The following SLC6A15 variants were observed in gnomAD, a reference collection of about 807,000 sequenced individuals.
SLC6A15 encodes the protein solute carrier family 6 member 15, also known as sodium-dependent neutral amino acid transporter B(0)AT2.
Under a neutral mutation model 68.5 loss-of-function variants are expected in SLC6A15, and 33 were observed. The observed-to-expected ratio is 0.48, with a 90% confidence interval of 0.37 to 0.64. The LOEUF (loss-of-function observed/expected upper bound fraction) is 0.64. SLC6A15 is among the 30% of genes least tolerant of loss of function. The pLI, the probability that SLC6A15 is intolerant of heterozygous loss-of-function variation, is 0.00. For missense variants in SLC6A15, 747 were observed against 874.3 expected, an observed-to-expected ratio of 0.85 and a Z score of 1.84; for synonymous variants, 347 against 301.0, an observed-to-expected ratio of 1.15 and a Z score of -1.58.
rs567856588 is a variant in SLC6A15, at chr12:84,876,120, A to G, written c.867+377T>C. On this transcript the variant is annotated intron_variant, in intron 6 of 11. Coordinates refer to ENST00000266682, the MANE Select transcript of SLC6A15 (RefSeq NM_182767.6). ...TTTTTTGGGAAAAAAAATCCTCGTCACTTTTTCAAAGGGATCCATGACACA... is the reference window on the plus strand; with the variant it reads ...TTTTTTGGGAAAAAAAATCCTCGTCGCTTTTTCAAAGGGATCCATGACACA... Among the ~76,000 whole-genome samples the G allele has an allele frequency of 3.8e-4, 58 of 151,070 alleles. 1 individual carries two copies. The highest frequency in any genetic ancestry group is 1.3e-3 in the African/African-American group (52 of 41,230).
intron 11 of SLC6A15, among the ~76,000 whole-genome samples, chr12:84,862,730 C>T (rs896070185): frequency 6.6e-6 from 1 of 151,950 alleles, no homozygotes. Context: ...TTGTACTTTG[C>T]TAATATATAT....
At chr12:84,875,461 C>T (rs1039593486) in intron 6 of SLC6A15, among the ~76,000 whole-genome samples, 3 of 151,610 alleles carry the variant, frequency 2.0e-5, no homozygotes, top group African/African-American at 7.3e-5. Flanking sequence ...TCAAGGCAGC[C>T]GCCAGGAGTG....
intron 1 of SLC6A15, among the ~76,000 whole-genome samples, chr12:84,908,571 T>G (rs866900797): frequency 7.4e-4 from 109 of 147,184 alleles, no homozygotes; most frequent in African/African-American, 2.5e-3. Context: ...AATACTGTAA[T>G]AAGATATTAA....
At chr12:84,879,520 T>A (rs1871722886) in intron 5 of SLC6A15, among the ~76,000 whole-genome samples, 1 of 151,558 alleles carries the variant, frequency 6.6e-6, no homozygotes. Flanking sequence ...GAGACGGAGT[T>A]TCACCGTTTT....
chr12:84,878,765 C>T (rs1871678393), intron 5 of SLC6A15, among the ~76,000 whole-genome samples: 1 of 151,978 alleles, frequency 6.6e-6, no homozygotes, highest in Non-Finnish European at 1.5e-5. Flanking sequence ...CTTAGTATGT[C>T]CCACTTCCTC....
At chr12:84,899,846 C>CTT (rs1210673352) in intron 1 of SLC6A15, among the ~76,000 whole-genome samples, 2 of 152,054 alleles carry the variant, frequency 1.3e-5, no homozygotes, top group East Asian at 3.8e-4. Flanking sequence ...TTTTGAAGCA[C>CTT]TTAAAAGTAG....
intron 1 of SLC6A15, among the ~76,000 whole-genome samples, chr12:84,899,429 C>T (rs1872759276): frequency 6.6e-6 from 1 of 152,180 alleles, no homozygotes; most frequent in Admixed American, 6.5e-5. Context: ...AAAAAGTAGG[C>T]ATGTCATCCA....
At chr12:84,911,545 C>G (rs1873463584) in intron 1 of SLC6A15, among the ~76,000 whole-genome samples, 1 of 152,190 alleles carries the variant, frequency 6.6e-6, no homozygotes, top group Non-Finnish European at 1.5e-5. Context: ...CTTCCTAAAA[C>G]GCACATCAAA....
chr12:84,909,193 CT>C (rs1873321945), intron 1 of SLC6A15, among the ~76,000 whole-genome samples: 1 of 152,128 alleles, frequency 6.6e-6, no homozygotes, highest in Non-Finnish European at 1.5e-5. Flanking sequence ...AACAAATAAT[CT>C]CTTTGATCTT....
intron 6 of SLC6A15, chr12:84,874,614 G>T (rs1871432937): frequency 6.6e-6 from 1 of 152,084 alleles, no homozygotes; most frequent in African/African-American, 2.4e-5. Flanking sequence ...TATGAAATAT[G>T]CTTATTAAAC....
intron 5 of SLC6A15, chr12:84,882,995 G>C: frequency 1.0e-6 from 1 of 983,268 alleles, no homozygotes; most frequent in Non-Finnish European, 1.2e-6. Flanking sequence ...AGTATATGAT[G>C]ATGAGTGGTA....
At chr12:84,866,237 A>G (rs1461984874) in intron 10 of SLC6A15, among the ~76,000 whole-genome samples, 2 of 152,140 alleles carry the variant, frequency 1.3e-5, no homozygotes, top group South Asian at 2.1e-4. Context: ...GTGATTAGAG[A>G]CAGTGACTAT....
chr12:84,861,531 T>C lies in SLC6A15; in HGVS notation c.*101A>G. The C allele has an allele frequency of 3.0e-6, 4 of 1,341,442 alleles. No individual in the cohort carries two copies. The highest frequency in any genetic ancestry group is 2.3e-5 in the East Asian group (1 of 43,186). The allele number at this position is 1,341,442 out of a possible 1,614,324, so 83.1% of individuals were successfully genotyped here. A position where few individuals can be genotyped will look rare whatever the true frequency, so the allele number is the denominator to read the frequency against. The stretch of plus-strand genomic sequence containing the variant: ...TTAAAGATCACAGCCACGGAACACC[T>C]GAGATTGCCCTCTGATAAGTGAAGC... On this transcript the variant is annotated 3_prime_UTR_variant, in exon 12 of 12. Transcript: ENST00000266682.
chr12:84,874,686 T>C (rs1871435366), intron 6 of SLC6A15, among the ~76,000 whole-genome samples: 1 of 152,180 alleles, frequency 6.6e-6, no homozygotes, highest in Non-Finnish European at 1.5e-5. Flanking sequence ...TTACTGACCA[T>C]TGCTACATCA....
rs189632093 is a variant in SLC6A15, at chr12:84,905,146, T to C, written c.-189+7377A>G. Among the ~76,000 whole-genome samples, 333 of 152,280 alleles carry C rather than the reference T, an allele frequency of 2.2e-3. 1 individual carries two copies. The highest frequency in any genetic ancestry group is 4.0e-3 in the Non-Finnish European group (271 of 67,996). ...ACTACAGATCAATATTCCTAATGAA[T>C]ATAGACACAAAATTCCTTTACACAG... is the stretch of plus-strand genomic sequence containing the variant. On this transcript the variant is annotated intron_variant, in intron 1 of 11. Transcript: ENST00000266682.
At chr12:84,906,568 T>C (rs759583968) in intron 1 of SLC6A15, among the ~76,000 whole-genome samples, 4 of 152,084 alleles carry the variant, frequency 2.6e-5, no homozygotes, top group Non-Finnish European at 4.4e-5. Flanking sequence ...CTATGTGAGG[T>C]TGGTGAAAGG....
chr12:84,875,700 G>T (rs1228903945), intron 6 of SLC6A15, among the ~76,000 whole-genome samples: 4,947 of 8,096 alleles, frequency 0.61, 1,680 homozygotes, highest in East Asian at 0.8. Context: ...ATATATATAT[G>T]AGAATCAAAA....
rs752979851 is a variant in SLC6A15, at chr12:84,885,590, C to A, written c.448-29G>T. 3.2e-6 allele frequency: 5 copies of A among 1,580,604 alleles called. No individual in the cohort carries two copies. The South Asian group carries it at 4.7e-5, about 15-fold the overall frequency. On this transcript the variant is annotated intron_variant, in intron 3 of 11. Coordinates refer to ENST00000266682, the MANE Select transcript of SLC6A15 (RefSeq NM_182767.6). ...CAAAATAAAATGATATCCCATTAAA[C>A]CTCTCATACCTCTTCCATTAAAAGA...
At chr12:84,889,438 A>T (rs1872279170) in intron 2 of SLC6A15, among the ~76,000 whole-genome samples, 1 of 149,012 alleles carries the variant, frequency 6.7e-6, no homozygotes, top group African/African-American at 2.6e-5. Flanking sequence ...TGCAGTGAGC[A>T]GACAGAGATT....
Sources: allele counts gnomAD v4.1 joint callset (sites outside exome capture counted in the v4.1 genomes callset), GRCh38; gene constraint gnomAD v4.1.1; transcripts MANE v1.5; gene names NCBI Gene and HGNC (gene_info 2026-07-23, HGNC 2026-07-21).